The following SPINK14 variants were observed in gnomAD, a reference collection of about 807,000 sequenced individuals.
SPINK14 encodes serine protease inhibitor Kazal-type 14.
In SPINK14, 6 loss-of-function variants were observed where a neutral mutation model predicts 14.2. The ratio of observed to expected loss-of-function variants is 0.42; its 90% CI spans 0.23 to 0.83. The LOEUF (loss-of-function observed/expected upper bound fraction) is 0.83. SPINK14 is among the 40% of genes least tolerant of loss of function. The pLI, the probability that SPINK14 is intolerant of heterozygous loss-of-function variation, is 0.28. For missense variants in SPINK14, 86 were observed against 108.3 expected (o/e 0.79, Z 0.91); for synonymous variants, 34 against 36.8 (o/e 0.92, Z 0.27).
intron 2 of SPINK14, 47 bp downstream of exon 2, chr5:148,169,846 G>T: frequency 6.7e-7 from 1 of 1,493,270 alleles, no homozygotes; most frequent in Non-Finnish European, 9.3e-7. Flanking sequence ...TTGATTTGTG[G>T]GCTTTTACAT....
chr5:148,171,624 T>A (rs1755106754), intron 3 of SPINK14, among the ~76,000 whole-genome samples: 1 of 152,186 alleles, frequency 6.6e-6, no homozygotes, highest in Non-Finnish European at 1.5e-5. Flanking sequence ...ATCACTGTAT[T>A]CCTTCCCTTT....
At chr5:148,170,173 T>TACACACACACACACAC (rs376416343) in intron 2 of SPINK14, among the ~76,000 whole-genome samples, 1 of 133,846 alleles carries the variant, frequency 7.5e-6, no homozygotes, top group African/African-American at 2.9e-5. Context: ...TATATATATA[T>TACACACACACACACAC]ACACACACAC....
chr5:148,175,318 A>C (rs1755153186), intron 4 of SPINK14, 35 bp from the exon 5 acceptor site: 1 of 1,327,596 alleles, frequency 7.5e-7, no homozygotes, highest in East Asian at 2.3e-5. Context: ...ACATTGTATT[A>C]CTAAATGAAA....
chr5:148,175,448 T>C lies in SPINK14; in HGVS notation c.*50T>C. ...TATCTTCTTTTTTTTTTCCTCCATGTCTCCAATCTCCCTCTTGCGCTTTTT... is the reference window on the plus strand; with the variant it reads ...TATCTTCTTTTTTTTTTCCTCCATGCCTCCAATCTCCCTCTTGCGCTTTTT... On this transcript the variant is annotated 3_prime_UTR_variant, in exon 5 of 5. Coordinates refer to ENST00000356972, the MANE Select transcript of SPINK14 (RefSeq NM_001001325.2). The C allele has an allele frequency of 7.4e-7, 1 of 1,354,620 alleles. No homozygotes were observed. Among genetic ancestry groups the C allele is most frequent in the Non-Finnish European group, 1.1e-6 (1 of 951,986 alleles). The allele number at this position is 1,354,620 out of a possible 1,614,324, so 83.9% of individuals were successfully genotyped here. A position where few individuals can be genotyped will look rare whatever the true frequency, so the allele number is the denominator to read the frequency against.
chr5:148,171,023 C>CT (rs537399001), intron 3 of SPINK14, 50 bp downstream of exon 3: 571 of 1,527,514 alleles, frequency 3.7e-4, no homozygotes, highest in South Asian at 4.2e-4. Flanking sequence ...AATATGAGTT[C>CT]TTTTTTTTTG....
At position 148,174,317 on chromosome 5, in the gene SPINK14, C is replaced by T. The variant is rs377765720; in HGVS notation, c.195C>T (p.Cys65=). 19 of 1,113,194 alleles carry T rather than the reference C, an allele frequency of 1.7e-5. 8 individuals carry two copies. Among genetic ancestry groups the T allele is most frequent in the South Asian group, 7.8e-5 (5 of 64,296 alleles). The allele number at this position is 1,113,194 out of a possible 1,614,324, so 69.0% of individuals were successfully genotyped here. The change falls in exon 4 of 5, where the codon TGC becomes TGT. Residue 65 remains cysteine, a synonymous_variant. Coordinates refer to ENST00000356972, the MANE Select transcript of SPINK14 (RefSeq NM_001001325.2). The part of the protein sequence containing the change: ...NPCPGLYQPI[C]GTNFITYDNP... ...GCCCTGGCTTATATCAACCCATCTG[C>T]GGCACCAATTTTATAACCTATGATA...
chr5:148,169,756 C>G lies in SPINK14; in HGVS notation c.24C>G (p.Phe8Leu), dbSNP rs534179773. 1 of 1,606,372 alleles carries G rather than the reference C, an allele frequency of 6.2e-7. No homozygotes were observed. The highest frequency in any genetic ancestry group is 1.3e-5 in the African/African-American group (1 of 74,366). MAKSFPV[F>L]SLLSFILIHL... ...AAATGGCCAAATCTTTCCCAGTATT[C>G]TCACTTTTGTCCTTTATCTTGATAC... Residue 8 changes from phenylalanine to leucine, a missense_variant, in exon 2 of 5, where the codon TTC becomes TTG. Coordinates refer to ENST00000356972, the MANE Select transcript of SPINK14 (RefSeq NM_001001325.2).
intron 2 of SPINK14, among the ~76,000 whole-genome samples, chr5:148,170,317 G>C (rs1755088486): frequency 1.3e-5 from 2 of 151,796 alleles, no homozygotes; most frequent in South Asian, 2.1e-4. Context: ...AAGGAGGCTT[G>C]GGTGACTCAC....
chr5:148,170,371 T>C (rs147775148), intron 2 of SPINK14, among the ~76,000 whole-genome samples: 76 of 151,926 alleles, frequency 5.0e-4, no homozygotes, highest in African/African-American at 1.7e-3. Context: ...TATGCATACA[T>C]GAGATCACAT....
At chr5:148,171,749 C>T (rs1343648527) in intron 3 of SPINK14, among the ~76,000 whole-genome samples, 2 of 152,090 alleles carry the variant, frequency 1.3e-5, no homozygotes, top group African/African-American at 4.8e-5. Context: ...GAGGGCAGCT[C>T]TACCTTCAAG....
chr5:148,173,167 A>AC (rs978378518), intron 3 of SPINK14, among the ~76,000 whole-genome samples: 4 of 147,852 alleles, frequency 2.7e-5, no homozygotes, highest in Admixed American at 1.3e-4. Context: ...TTAAAACATG[A>AC]CCCCCTTCTT....
chr5:148,174,349 G>T lies in SPINK14; in HGVS notation c.227G>T (p.Cys76Phe). Residue 76 changes from cysteine to phenylalanine, a missense_variant, in exon 4 of 5, where the codon TGC becomes TTC. By Grantham distance (205) the Cys-to-Phe change is radical. Transcript: ENST00000356972. The part of the protein sequence containing the change: ...GTNFITYDNP[C>F]ILCVESLKSH... ...AATTTTATAACCTATGATAATCCCT[G>T]CATTCTGTGTGTTGAGAGCTTGTGA... 2 of 1,113,674 alleles carry T rather than the reference G, an allele frequency of 1.8e-6. 1 individual carries two copies. The highest frequency in any genetic ancestry group is 2.5e-6 in the Non-Finnish European group (2 of 810,890). 69.0% of individuals were successfully genotyped at this position (1,113,674 alleles called of 1,614,324 possible). A position where few individuals can be genotyped will look rare whatever the true frequency, so the allele number is the denominator to read the frequency against.
At chr5:148,173,706 GC>G (rs1311713700) in intron 3 of SPINK14, among the ~76,000 whole-genome samples, 1 of 94,364 alleles carries the variant, frequency 1.1e-5, no homozygotes, top group East Asian at 2.5e-4. Context: ...AGCATAGTTG[GC>G]CATTGTTCTC....
chr5:148,168,549 C>T lies in SPINK14; in HGVS notation c.-91C>T, dbSNP rs1479746289. The stretch of plus-strand genomic sequence containing the variant: ...GAAGGAGCACATTATATTCCTCTTC[C>T]TTTTCTCTTCTTTCTGAGGTGGGTC... On this transcript the variant is annotated 5_prime_UTR_variant, in exon 1 of 5. Transcript: ENST00000356972. Among the ~76,000 whole-genome samples the T allele has an allele frequency of 6.6e-6, 1 of 152,110 alleles. No individual in the cohort carries two copies. The highest frequency in any genetic ancestry group is 1.5e-5 in the Non-Finnish European group (1 of 68,028).
chr5:148,171,102 G>C (rs1355925564), intron 3 of SPINK14, 129 bp downstream of exon 3: 8 of 827,084 alleles, frequency 9.7e-6, no homozygotes, highest in Non-Finnish European at 1.4e-5. Flanking sequence ...ATTTGTACGA[G>C]GGTGGTGGAT....
At chr5:148,172,931 T>G (rs1755126522) in intron 3 of SPINK14, among the ~76,000 whole-genome samples, 1 of 152,086 alleles carries the variant, frequency 6.6e-6, no homozygotes, top group East Asian at 1.9e-4. Context: ...AGGTTCCAGG[T>G]CACATAGGGA....
At position 148,169,710 on chromosome 5, in the gene SPINK14, C is replaced by A; in HGVS notation, c.-23C>A. Reference sequence around the variant, plus strand: ...TGAGACAATATTTCAGAGCATCATTCCAAGGACACACCAGGAGGAAAAATG... The same window carrying A: ...TGAGACAATATTTCAGAGCATCATTACAAGGACACACCAGGAGGAAAAATG... On this transcript the variant is annotated 5_prime_UTR_variant, in exon 2 of 5. Transcript: ENST00000356972. The A allele has an allele frequency of 6.3e-7, 1 of 1,594,724 alleles. No homozygotes were observed. Among genetic ancestry groups the A allele is most frequent in the Non-Finnish European group, 8.6e-7 (1 of 1,164,924 alleles).
At chr5:148,170,173 TACACACACAC>T (rs376416343) in intron 2 of SPINK14, among the ~76,000 whole-genome samples, 1 of 133,848 alleles carries the variant, frequency 7.5e-6, no homozygotes, top group Non-Finnish European at 1.6e-5. Context: ...TATATATATA[TACACACACAC>T]ACACACACAC....
At chr5:148,169,329 T>C (rs1333040521) in intron 1 of SPINK14, among the ~76,000 whole-genome samples, 1 of 94,914 alleles carries the variant, frequency 1.1e-5, no homozygotes, top group Non-Finnish European at 2.2e-5. Flanking sequence ...AATAGCCCCA[T>C]CTTTTTTTTT....
Sources: gnomAD v4.1 joint callset for allele counts (sites outside exome capture counted in the v4.1 genomes callset) on GRCh38, gnomAD v4.1.1 for gene constraint, MANE v1.5 for transcripts, NCBI Gene and HGNC (gene_info 2026-07-23, HGNC 2026-07-21) for gene names.